Variants in SOBP observed in about 807,000 individuals in gnomAD.
The protein encoded by SOBP is sine oculis binding protein homolog, also known as sine oculis-binding protein homolog.
Under a neutral mutation model 53.6 loss-of-function variants are expected in SOBP, and 4 were observed. The observed-to-expected ratio is 0.07, with a 90% confidence interval of 0.04 to 0.17. SOBP has a LOEUF of 0.17. Among genes scored for constraint, SOBP ranks in the 10% least tolerant of loss-of-function variants. SOBP has a pLI of 1.00. For synonymous variants in SOBP, 584 were observed against 522.6 expected (o/e 1.12, Z -1.60); for missense variants, 1,088 against 1,204.7 (o/e 0.90, Z 1.43).
intron 4 of SOBP, among the ~76,000 whole-genome samples, chr6:107,566,773 T>TCCC (rs1784928859): frequency 6.6e-6 from 1 of 152,232 alleles, no homozygotes; most frequent in Admixed American, 6.5e-5. Context: ...TCTTGGTGTA[T>TCCC]TCTAGCTTAC....
chr6:107,647,150 AT>A (rs1288336028), intron 6 of SOBP, among the ~76,000 whole-genome samples: 1 of 152,224 alleles, frequency 6.6e-6, no homozygotes, highest in Non-Finnish European at 1.5e-5. Context: ...GCATTTTCTC[AT>A]TAAATAATTA....
At chr6:107,492,193 G>A (rs916564777) in intron 1 of SOBP, among the ~76,000 whole-genome samples, 2 of 152,024 alleles carry the variant, frequency 1.3e-5, no homozygotes, top group African/African-American at 4.8e-5. Flanking sequence ...TTTAAGACCG[G>A]TAGAAGTTGT....
At chr6:107,639,715 T>C (rs1771224641) in intron 6 of SOBP, among the ~76,000 whole-genome samples, 1 of 152,254 alleles carries the variant, frequency 6.6e-6, no homozygotes, top group Admixed American at 6.5e-5. Flanking sequence ...TTCTACAGTT[T>C]ACACTTGTTT....
chr6:107,639,332 GT>G (rs565680649), intron 6 of SOBP, among the ~76,000 whole-genome samples: 94 of 151,582 alleles, frequency 6.2e-4, no homozygotes, highest in Middle Eastern at 3.4e-3. Flanking sequence ...AAATTATAGG[GT>G]TTTTTTTTCC....
chr6:107,634,851 C>G lies in SOBP; in HGVS notation c.2007C>G (p.His669Gln). Residue 669 changes from histidine to glutamine, a missense_variant, in exon 6 of 7, where the codon CAC becomes CAG. His to Gln is a conservative substitution (Grantham distance 24, BLOSUM62 0). This residue lies in a region of SOBP where 665 missense variants were observed against 629.7 expected (regional missense o/e 1.06). Coordinates refer to ENST00000317357, the MANE Select transcript of SOBP (RefSeq NM_018013.4). The surrounding 1 kb of genome is among the most constrained non-coding windows in gnomAD (Gnocchi z 4.5). ...GHRARLHNVIHRALHAHVKAE... is the reference protein window; with the variant it reads ...GHRARLHNVIQRALHAHVKAE... ...GAGCCCGGCTGCACAACGTGATCCA[C>G]CGCGCGCTGCACGCGCACGTCAAGG... 7 of 1,395,066 alleles carry G rather than the reference C, an allele frequency of 5.0e-6. No homozygotes were observed. The highest frequency in any genetic ancestry group is 6.5e-6 in the Non-Finnish European group (7 of 1,069,680). The allele number at this position is 1,395,066 out of a possible 1,614,324, so 86.4% of individuals were successfully genotyped here.
chr6:107,578,182 G>A (rs552631387), intron 4 of SOBP, among the ~76,000 whole-genome samples: 1 of 152,002 alleles, frequency 6.6e-6, no homozygotes, highest in Admixed American at 6.5e-5. Context: ...TTCTGAAGCT[G>A]CAGGGAACCC....
chr6:107,652,897 G>A (rs1232221874), intron 6 of SOBP, among the ~76,000 whole-genome samples: 2 of 151,690 alleles, frequency 1.3e-5, no homozygotes, highest in South Asian at 2.1e-4. Flanking sequence ...ATTAAGAAAT[G>A]TAAATTGTTT....
intron 6 of SOBP, among the ~76,000 whole-genome samples, chr6:107,650,088 G>A (rs1263310391): frequency 6.6e-6 from 1 of 151,988 alleles, no homozygotes; most frequent in South Asian, 2.1e-4. Flanking sequence ...GTAAAATAAG[G>A]GATATAGCTA....
At chr6:107,569,208 C>T (rs1003448215) in intron 4 of SOBP, among the ~76,000 whole-genome samples, 2 of 152,156 alleles carry the variant, frequency 1.3e-5, no homozygotes, top group African/African-American at 4.8e-5. Context: ...GCCAGTGACT[C>T]TCTAAGGGCA....
intron 4 of SOBP, chr6:107,557,942 G>C (rs1784662644): frequency 6.6e-6 from 1 of 152,076 alleles, no homozygotes; most frequent in South Asian, 2.1e-4. Flanking sequence ...TTTTCTGCCT[G>C]TATTCTCCCA....
intron 5 of SOBP, among the ~76,000 whole-genome samples, chr6:107,619,532 T>C (rs2115116678): frequency 6.6e-6 from 1 of 152,150 alleles, no homozygotes; most frequent in African/African-American, 2.4e-5. Context: ...TATTGGTGGA[T>C]CTAGTGTTTC....
chr6:107,523,185 G>A (rs1194462683), intron 3 of SOBP, among the ~76,000 whole-genome samples: 1 of 152,206 alleles, frequency 6.6e-6, no homozygotes, highest in Non-Finnish European at 1.5e-5. Context: ...TGTCTAGAGA[G>A]AAGAGTGCTC....
intron 1 of SOBP, among the ~76,000 whole-genome samples, chr6:107,502,953 GTTTCACCATGT>G (rs544501883): frequency 5.9e-5 from 9 of 152,198 alleles, no homozygotes; most frequent in Non-Finnish European, 8.8e-5. Context: ...TAGACAAGGG[GTTTCACCATGT>G]TGCCCAGGCT....
intron 6 of SOBP, among the ~76,000 whole-genome samples, chr6:107,648,984 A>T (rs1212673033): frequency 6.6e-6 from 1 of 151,860 alleles, no homozygotes; most frequent in Admixed American, 6.6e-5. Flanking sequence ...TGGGAGGATC[A>T]TGAGCCCAGG....
At chr6:107,581,759 ACT>A (rs2115052627) in intron 4 of SOBP, among the ~76,000 whole-genome samples, 1 of 152,262 alleles carries the variant, frequency 6.6e-6, no homozygotes, top group East Asian at 1.9e-4. Context: ...TCGAAAATAA[ACT>A]CTATTATTTC....
chr6:107,494,055 TGAC>T (rs1429869337), intron 1 of SOBP, among the ~76,000 whole-genome samples: 1 of 152,248 alleles, frequency 6.6e-6, no homozygotes, highest in African/African-American at 2.4e-5. Context: ...TGTCTCACTA[TGAC>T]CTTTACAGTG....
intron 3 of SOBP, among the ~76,000 whole-genome samples, chr6:107,525,555 T>C (rs1287270449): frequency 1.3e-5 from 2 of 152,254 alleles, no homozygotes; most frequent in African/African-American, 4.8e-5. Flanking sequence ...TGTGGACTTT[T>C]CCCTGTCTGC....
intron 4 of SOBP, among the ~76,000 whole-genome samples, chr6:107,580,338 T>A (rs1415239600): frequency 6.6e-6 from 1 of 152,184 alleles, no homozygotes; most frequent in Non-Finnish European, 1.5e-5. Context: ...AAATAACTCG[T>A]ATTTAAGGGT....
intron 6 of SOBP, among the ~76,000 whole-genome samples, chr6:107,646,852 G>T (rs192355207): frequency 6.6e-6 from 1 of 152,274 alleles, no homozygotes; most frequent in Admixed American, 6.5e-5. Flanking sequence ...GCTTGGGTTC[G>T]TATCCCAGCA....
Sources: allele counts gnomAD v4.1 joint callset (sites outside exome capture counted in the v4.1 genomes callset), GRCh38; gene constraint gnomAD v4.1.1; regional missense constraint gnomAD v4.1.1; non-coding constraint Gnocchi (gnomAD v3.1); transcripts MANE v1.5; gene names NCBI Gene and HGNC (gene_info 2026-07-23, HGNC 2026-07-21).